Variants in XPR1 observed in about 807,000 individuals in gnomAD.
XPR1 encodes the protein solute carrier family 53 member 1.
In XPR1, 28 loss-of-function variants were observed where a neutral mutation model predicts 87.5. The observed-to-expected ratio is 0.32, with a 90% CI of 0.24 to 0.44. The LOEUF is 0.44. XPR1 is among the 20% of genes least tolerant of loss of function. The pLI, the probability that XPR1 is intolerant of heterozygous loss-of-function variation, is 1.00. For missense variants in XPR1, 559 were observed against 862.3 expected, an observed-to-expected ratio of 0.65 and a Z score of 4.41; for synonymous variants, 300 against 306.1, an observed-to-expected ratio of 0.98 and a Z score of 0.21.
At chr1:180,689,456 A>G (rs1451773923) in intron 2 of XPR1, among the ~76,000 whole-genome samples, 1 of 152,174 alleles carries the variant, frequency 6.6e-6, no homozygotes, top group Non-Finnish European at 1.5e-5. Context: ...GTCTCTTTCA[A>G]TAAATTTCTC....
rs1013384563 is a variant in XPR1, at chr1:180,643,005, T to C, written c.69+10735T>C. 3.0e-4 allele frequency among the ~76,000 whole-genome samples: 46 copies of C among 152,126 alleles called. 1 individual carries two copies. Among genetic ancestry groups the C allele is most frequent in the African/African-American group, 1.1e-3 (45 of 41,430 alleles). ...ATGCAATCTGGTTTAGTTAGATATG[T>C]TGAAGAGCTGGTAAAGTGAAGTTGG... On this transcript the variant is annotated intron_variant, in intron 1 of 14. Transcript: ENST00000367590.
chr1:180,714,443 T>G (rs1335982867), intron 2 of XPR1, among the ~76,000 whole-genome samples: 1 of 149,576 alleles, frequency 6.7e-6, no homozygotes, highest in Admixed American at 6.7e-5. Context: ...CTCATCTTGT[T>G]GCCCAGGCTG....
intron 11 of XPR1, among the ~76,000 whole-genome samples, chr1:180,848,879 A>G (rs1224329661): frequency 6.6e-6 from 1 of 152,170 alleles, no homozygotes; most frequent in Non-Finnish European, 1.5e-5. Context: ...AGTAATGCAA[A>G]AAATAATTCA....
intron 11 of XPR1, among the ~76,000 whole-genome samples, chr1:180,856,315 A>C (rs1652030586): frequency 6.6e-6 from 1 of 152,144 alleles, no homozygotes; most frequent in South Asian, 2.1e-4. Flanking sequence ...TAAAAAAAAA[A>C]ACTGGAAATA....
intron 2 of XPR1, among the ~76,000 whole-genome samples, chr1:180,685,494 G>A (rs1427658521): frequency 3.9e-5 from 6 of 152,114 alleles, no homozygotes; most frequent in Non-Finnish European, 8.8e-5. Context: ...GATGATGCTG[G>A]CCTCATAAAA....
chr1:180,639,518 CTA>C (rs954585029), intron 1 of XPR1, among the ~76,000 whole-genome samples: 9 of 152,118 alleles, frequency 5.9e-5, no homozygotes. Flanking sequence ...CTATCATTGA[CTA>C]TTCGTAAATA....
At chr1:180,786,405 G>A (rs1013882767) in intron 2 of XPR1, among the ~76,000 whole-genome samples, 2 of 152,074 alleles carry the variant, frequency 1.3e-5, no homozygotes, top group African/African-American at 4.8e-5. Context: ...GGGGGACCCG[G>A]GGCTCAGAAA....
chr1:180,762,909 T>A (rs1014625907), intron 2 of XPR1, among the ~76,000 whole-genome samples: 1 of 152,210 alleles, frequency 6.6e-6, no homozygotes, highest in African/African-American at 2.4e-5. Flanking sequence ...AAGAATGAAT[T>A]TCTTGCCAGT....
rs1479002755 is a variant in XPR1 at position 180,686,195 on chromosome 1, C to T, written c.121+3784C>T. Among the ~76,000 whole-genome samples the T allele has an allele frequency of 2.0e-5, 3 of 152,228 alleles. No homozygotes were observed. The East Asian group carries it at 5.8e-4, about 29-fold the overall frequency. On this transcript the variant is annotated intron_variant, in intron 2 of 14. Coordinates refer to ENST00000367590, the MANE Select transcript of XPR1 (RefSeq NM_004736.4). ...GATTCTGGTATGTTGTGTCTTTGTT[C>T]TCGCTGGTTTCAAAGAACATCTTTA...
At chr1:180,747,498 C>G (rs1192276678) in intron 2 of XPR1, among the ~76,000 whole-genome samples, 1 of 152,136 alleles carries the variant, frequency 6.6e-6, no homozygotes, top group Admixed American at 6.6e-5. Flanking sequence ...ATCTTAAGTA[C>G]AGAAATTATC....
At chr1:180,747,258 C>T (rs1434993726) in intron 2 of XPR1, among the ~76,000 whole-genome samples, 2 of 152,178 alleles carry the variant, frequency 1.3e-5, no homozygotes, top group East Asian at 3.9e-4. Flanking sequence ...TAGCTTCATA[C>T]GGTTATTGTA....
intron 2 of XPR1, among the ~76,000 whole-genome samples, chr1:180,684,287 C>A (rs1413856387): frequency 6.6e-6 from 1 of 152,164 alleles, no homozygotes; most frequent in Non-Finnish European, 1.5e-5. Context: ...AGATATGCGG[C>A]ATTATTTCTG....
intron 2 of XPR1, among the ~76,000 whole-genome samples, chr1:180,707,580 C>T (rs930827676): frequency 2.0e-5 from 3 of 152,148 alleles, no homozygotes; most frequent in African/African-American, 7.2e-5. Flanking sequence ...TATAGGCAGA[C>T]CCAATTCTCC....
chr1:180,845,605 C>A (rs1035690563), intron 11 of XPR1, among the ~76,000 whole-genome samples: 3 of 152,188 alleles, frequency 2.0e-5, no homozygotes, highest in Admixed American at 2.0e-4. Context: ...ACTGTAGCCT[C>A]AAACTCCTAG....
chr1:180,855,826 C>T (rs1445505842), intron 11 of XPR1, among the ~76,000 whole-genome samples: 2 of 152,076 alleles, frequency 1.3e-5, no homozygotes, highest in Non-Finnish European at 2.9e-5. Context: ...CTTCAGCTAC[C>T]TTCTCCCTAC....
intron 2 of XPR1, among the ~76,000 whole-genome samples, chr1:180,688,406 A>G (rs1378276352): frequency 1.3e-5 from 2 of 152,024 alleles, no homozygotes; most frequent in African/African-American, 4.8e-5. Flanking sequence ...TTTTTAAATA[A>G]TGCATATTTA....
At chr1:180,693,484 A>G (rs979069635) in intron 2 of XPR1, among the ~76,000 whole-genome samples, 2 of 152,244 alleles carry the variant, frequency 1.3e-5, no homozygotes, top group Non-Finnish European at 2.9e-5. Flanking sequence ...AAGGTAGTCA[A>G]TAATTGGAAA....
chr1:180,715,887 G>A lies in XPR1; in HGVS notation c.121+33476G>A, dbSNP rs189716296. Among the ~76,000 whole-genome samples the A allele has an allele frequency of 4.6e-5, 7 of 152,196 alleles. 1 individual carries two copies. Among genetic ancestry groups the A allele is most frequent in the Admixed American group, 4.6e-4 (7 of 15,298 alleles). On this transcript the variant is annotated intron_variant, in intron 2 of 14. Transcript: ENST00000367590. ...GGGGTTTCTCCGTGTTGCTCACGCTGGTCTCCAACTTCCGACCTCAGATGA... is the reference window on the plus strand; with the variant it reads ...GGGGTTTCTCCGTGTTGCTCACGCTAGTCTCCAACTTCCGACCTCAGATGA...
chr1:180,824,627 G>T, intron 7 of XPR1, 126 bp from the exon 8 acceptor site: 2 of 761,056 alleles, frequency 2.6e-6, no homozygotes, highest in South Asian at 1.9e-5. Context: ...AGATAATCTA[G>T]GTTTAGGTTT....
Sources: allele counts gnomAD v4.1 joint callset (sites outside exome capture counted in the v4.1 genomes callset), GRCh38; gene constraint gnomAD v4.1.1; transcripts MANE v1.5; gene names NCBI Gene and HGNC (gene_info 2026-07-23, HGNC 2026-07-21).